The following TBC1D2B variants were observed in gnomAD, a reference collection of about 807,000 sequenced individuals.
TBC1D2B encodes TBC1 domain family member 2B, also known as TBC1 domain family, member 2B.
Under a neutral mutation model 100.8 loss-of-function variants are expected in TBC1D2B, and 64 were observed. The ratio of observed to expected loss-of-function variants is 0.64; its 90% CI spans 0.52 to 0.78. The LOEUF (loss-of-function observed/expected upper bound fraction) is 0.78. TBC1D2B is among the 30% of genes least tolerant of loss of function. The pLI, the probability that TBC1D2B is intolerant of heterozygous loss-of-function variation, is 0.00. For missense variants in TBC1D2B, 1,052 were observed against 1,218.4 expected (o/e 0.86, Z 2.03); for synonymous variants, 480 against 479.7 (o/e 1.00, Z -0.01).
intron 3 of TBC1D2B, among the ~76,000 whole-genome samples, chr15:78,040,885 AGAGAGAG>A (rs1567026290): frequency 6.9e-6 from 1 of 144,760 alleles, no homozygotes; most frequent in Non-Finnish European, 1.5e-5. Flanking sequence ...AAAGAAAGAG[AGAGAGAG>A]AGAAAGAAAG....
chr15:78,053,821 T>G (rs765342802), intron 2 of TBC1D2B: 38 of 510,116 alleles, frequency 7.4e-5, no homozygotes, highest in Non-Finnish European at 1.1e-4. Flanking sequence ...TCCATATGCT[T>G]GGCACTGGCC....
intron 11 of TBC1D2B, 99 bp from the exon 12 acceptor site, chr15:78,001,839 G>C: frequency 7.2e-7 from 1 of 1,390,328 alleles, no homozygotes; most frequent in Non-Finnish European, 9.6e-7. Flanking sequence ...GGGACAGGGG[G>C]ACATGGCTTG....
intron 1 of TBC1D2B, among the ~76,000 whole-genome samples, chr15:78,076,221 T>C (rs569840019): frequency 1.4e-4 from 22 of 152,154 alleles, no homozygotes; most frequent in Non-Finnish European, 2.2e-4. Context: ...ACTCTCCTGC[T>C]TCTACACTGT....
intron 8 of TBC1D2B, among the ~76,000 whole-genome samples, chr15:78,015,515 C>T (rs191888118): frequency 1.9e-4 from 29 of 152,154 alleles, no homozygotes; most frequent in African/African-American, 5.8e-4. Flanking sequence ...CGTTTAGAAG[C>T]GCTCCAAGAG....
At chr15:78,029,744 G>A (rs1194483685) in intron 4 of TBC1D2B, among the ~76,000 whole-genome samples, 5 of 152,180 alleles carry the variant, frequency 3.3e-5, no homozygotes, top group Non-Finnish European at 5.9e-5. Context: ...TTTAAAATCA[G>A]TATTTCCATA....
chr15:78,013,723 A>C (rs78984635), intron 8 of TBC1D2B, among the ~76,000 whole-genome samples: 2 of 140,004 alleles, frequency 1.4e-5, no homozygotes, highest in Non-Finnish European at 3.3e-5. Context: ...TATCATTTTA[A>C]AAGATTAAAA....
intron 10 of TBC1D2B, among the ~76,000 whole-genome samples, chr15:78,004,106 T>A (rs932142877): frequency 1.3e-5 from 2 of 152,182 alleles, no homozygotes; most frequent in Non-Finnish European, 2.9e-5. Flanking sequence ...TCTCTCTTAC[T>A]GGACTACTGT....
chr15:78,065,328 T>C (rs1390001589), intron 1 of TBC1D2B, among the ~76,000 whole-genome samples: 1 of 152,202 alleles, frequency 6.6e-6, no homozygotes, highest in Non-Finnish European at 1.5e-5. Flanking sequence ...GTGAGTTCAC[T>C]GGAAAGTGGG....
chr15:78,024,109 T>A, intron 6 of TBC1D2B, 47 bp downstream of exon 6: 1 of 1,557,144 alleles, frequency 6.4e-7, no homozygotes, highest in Non-Finnish European at 8.7e-7. Context: ...TGGGGTGACA[T>A]CGGTGGTCTC....
intron 11 of TBC1D2B, among the ~76,000 whole-genome samples, chr15:78,002,154 A>G (rs887925330): frequency 6.6e-6 from 1 of 152,176 alleles, no homozygotes; most frequent in African/African-American, 2.4e-5. Flanking sequence ...CAACTGGTGC[A>G]CTTTTGAAGA....
intron 6 of TBC1D2B, 109 bp downstream of exon 6, chr15:78,024,047 G>T: frequency 2.3e-6 from 3 of 1,324,872 alleles, no homozygotes; most frequent in Non-Finnish European, 3.0e-6. Context: ...AAAAAAATAA[G>T]TGTGCAGCTG....
intron 4 of TBC1D2B, 90 bp from the exon 5 acceptor site, chr15:78,025,587 C>T (rs907940940): frequency 1.8e-5 from 18 of 984,122 alleles, no homozygotes; most frequent in Middle Eastern, 3.4e-4. Flanking sequence ...AGTGCAGTGG[C>T]GCAATGTCGG....
chr15:78,003,209 A>G (rs764327409), intron 11 of TBC1D2B, 96 bp downstream of exon 11: 11 of 1,125,802 alleles, frequency 9.8e-6, no homozygotes, highest in East Asian at 4.7e-5. Context: ...GGTAACCCTC[A>G]TAAGTTCCAG....
At chr15:78,007,676 A>C (rs2072103817) in intron 10 of TBC1D2B, among the ~76,000 whole-genome samples, 1 of 152,238 alleles carries the variant, frequency 6.6e-6, no homozygotes. Context: ...GGCTGGCCAC[A>C]CTGGTGAGAG....
At chr15:78,050,675 T>C (rs2073295380) in intron 2 of TBC1D2B, among the ~76,000 whole-genome samples, 1 of 152,188 alleles carries the variant, frequency 6.6e-6, no homozygotes, top group Non-Finnish European at 1.5e-5. Context: ...TGTAGAATGG[T>C]ATTTGAGGCA....
intron 11 of TBC1D2B, 159 bp from the exon 12 acceptor site, chr15:78,001,899 C>G: frequency 1.4e-6 from 1 of 737,438 alleles, no homozygotes; most frequent in Non-Finnish European, 2.1e-6. Flanking sequence ...GCAATTTTCA[C>G]TGGCTAGGCC....
chr15:78,011,645 GTTTT>G (rs869175712), intron 9 of TBC1D2B, among the ~76,000 whole-genome samples: 1 of 6,208 alleles, frequency 1.6e-4, no homozygotes, highest in Non-Finnish European at 3.4e-4. Flanking sequence ...TAATTTTTTG[GTTTT>G]TTTTTTTTTT....
chr15:78,055,955 G>C (rs1445446587), intron 1 of TBC1D2B, among the ~76,000 whole-genome samples: 4 of 152,196 alleles, frequency 2.6e-5, no homozygotes, highest in Non-Finnish European at 5.9e-5. Flanking sequence ...TAGCCAAAGA[G>C]GGGAGGTGCA....
At chr15:78,054,307 A>T (rs1414098402) in intron 1 of TBC1D2B, 120 bp from the exon 2 acceptor site, 1 of 1,034,402 alleles carries the variant, frequency 9.7e-7, no homozygotes, top group Non-Finnish European at 1.3e-6. Context: ...TGAACAGATC[A>T]AGGAAACTTC....
Sources: allele counts gnomAD v4.1 joint callset (sites outside exome capture counted in the v4.1 genomes callset), GRCh38; gene constraint gnomAD v4.1.1; transcripts MANE v1.5; gene names NCBI Gene and HGNC (gene_info 2026-07-23, HGNC 2026-07-21).